Variants in U2AF2 observed in about 807,000 individuals in gnomAD.
The protein encoded by U2AF2 is splicing factor U2AF 65 kDa subunit.
In U2AF2, 6 loss-of-function variants were observed where a neutral mutation model predicts 52.6. That is an observed-to-expected ratio of 0.11 (90% CI 0.06 to 0.23). The LOEUF (loss-of-function observed/expected upper bound fraction) is 0.23. Among genes scored for constraint, U2AF2 ranks in the 10% least tolerant of loss-of-function variants. The pLI is 1.00. For synonymous variants in U2AF2, 284 were observed against 258.2 expected, an observed-to-expected ratio of 1.10 and a Z score of -0.96; for missense variants, 222 against 677.1, an observed-to-expected ratio of 0.33 and a Z score of 7.46.
At chr19:55,673,860 C>CT in intron 11 of U2AF2, 74 bp from the exon 12 acceptor site, 1 of 1,544,498 alleles carries the variant, frequency 6.5e-7, no homozygotes, top group East Asian at 2.3e-5. Flanking sequence ...GCCTTCAGTG[C>CT]TGGGGTTGGG....
rs1265260891 is a variant in U2AF2 at position 55,659,327 on chromosome 19, G to A, written c.167G>A (p.Arg56Gln). Residue 56 changes from arginine to glutamine, a missense_variant, in exon 2 of 12, where the codon CGG becomes CAG. Physicochemically the swap from Arg to Gln is conservative, Grantham distance 43. Transcript: ENST00000308924. ...AACCGGGACCAGCGGAGCGCCTCCC[G>A]GGACAGGCGACGACGCAGGTACTAG... is the stretch of plus-strand genomic sequence containing the variant. ...RRNRDQRSAS[R>Q]DRRRRSKPLT... 2.6e-6 allele frequency: 4 copies of A among 1,557,010 alleles called. No homozygotes were observed. The highest frequency in any genetic ancestry group is 3.5e-6 in the Non-Finnish European group (4 of 1,148,706).
chr19:55,674,103 G>C lies in U2AF2; in HGVS notation c.*35G>C, dbSNP rs1239575974. On this transcript the variant is annotated 3_prime_UTR_variant, in exon 12 of 12. Coordinates refer to ENST00000308924, the MANE Select transcript of U2AF2 (RefSeq NM_007279.3). ...GGGGAGGGTGGGGGCAGGGCTGGCT[G>C]GGGGCTTCTCCCCACTCCCGCCCCC... 1 of 1,563,204 alleles carries C rather than the reference G, an allele frequency of 6.4e-7. No homozygotes were observed. Among genetic ancestry groups the C allele is most frequent in the Admixed American group, 1.8e-5 (1 of 55,260 alleles).
At chr19:55,673,906 C>G (rs1410207737) in intron 11 of U2AF2, 28 bp from the exon 12 acceptor site, 1 of 1,596,388 alleles carries the variant, frequency 6.3e-7, no homozygotes, top group Non-Finnish European at 8.6e-7. Flanking sequence ...GAGCCTTGTT[C>G]ACAAACCTGC....
chr19:55,667,342 G>A (rs1984609384), intron 7 of U2AF2, among the ~76,000 whole-genome samples: 1 of 152,198 alleles, frequency 6.6e-6, no homozygotes, highest in Admixed American at 6.5e-5. Flanking sequence ...TGTGGAGGCT[G>A]CAGAGGAAGG....
chr19:55,658,500 C>G (rs370546017), intron 1 of U2AF2, among the ~76,000 whole-genome samples: 1 of 152,162 alleles, frequency 6.6e-6, no homozygotes, highest in Non-Finnish European at 1.5e-5. Flanking sequence ...TTTACAGTCT[C>G]TTCAGTACTT....
At chr19:55,663,516 A>G (rs1203247368) in intron 6 of U2AF2, 90 bp from the exon 7 acceptor site, 2 of 1,528,322 alleles carry the variant, frequency 1.3e-6, no homozygotes, top group Non-Finnish European at 1.8e-6. Context: ...CACATGAGTG[A>G]AAGGAAAGAG....
intron 11 of U2AF2, among the ~76,000 whole-genome samples, chr19:55,672,411 A>T (rs681433): frequency 6.6e-6 from 1 of 152,236 alleles, no homozygotes; most frequent in Non-Finnish European, 1.5e-5. Flanking sequence ...GTATATTTCT[A>T]TTATTTCTCA....
rs753369576 is a variant in U2AF2, at chr19:55,669,671, C to T, written c.1272C>T (p.Val424=). ...AGATCCCCCGGCCTGTGGACGGCGT[C>T]GAGGTGCCCGGCTGCGGAAAGGTCA... ...SIEIPRPVDG[V]EVPGCGKIFV... Residue 424 remains valine, a synonymous_variant, in exon 11 of 12, where the codon GTC becomes GTT. Coordinates refer to ENST00000308924, the MANE Select transcript of U2AF2 (RefSeq NM_007279.3). 2.1e-5 allele frequency: 33 copies of T among 1,609,194 alleles called. No homozygotes were observed. The highest frequency in any genetic ancestry group is 4.2e-4 in the Middle Eastern group (2 of 4,798).
intron 1 of U2AF2, among the ~76,000 whole-genome samples, chr19:55,656,769 A>C (rs1983822206): frequency 6.6e-6 from 1 of 152,226 alleles, no homozygotes; most frequent in South Asian, 2.1e-4. Context: ...GCTGAGATTA[A>C]ATGGGGTAAC....
intron 7 of U2AF2, among the ~76,000 whole-genome samples, chr19:55,664,996 G>T (rs1408720974): frequency 1.3e-5 from 2 of 152,166 alleles, no homozygotes; most frequent in African/African-American, 2.4e-5. Context: ...GGGATTACAG[G>T]CATGAGCCAC....
chr19:55,668,386 T>A lies in U2AF2; in HGVS notation c.743-121T>A. The A allele has an allele frequency of 9.9e-7, 1 of 1,014,746 alleles. No homozygotes were observed. The highest frequency in any genetic ancestry group is 1.4e-6 in the Non-Finnish European group (1 of 709,310). 62.9% of individuals were successfully genotyped at this position (1,014,746 alleles called of 1,614,324 possible). A position where few individuals can be genotyped will look rare whatever the true frequency, so the allele number is the denominator to read the frequency against. On this transcript the variant is annotated intron_variant, in intron 7 of 11. Transcript: ENST00000308924. This position sits in a 1 kb window ranked among gnomAD's most constrained non-coding sequence, Gnocchi z 5.5. ...GGTGGGGTGGGCACGTGGCGACCCC[T>A]CCCTCGTCAGATCAGGCAGGAAGTG...
Position 55,668,454 on chromosome 19 carries a change from T to G in U2AF2, c.743-53T>G. ...GGAGCTCGCCGTAGACTGTCCAGGT[T>G]TTGGGAGATAACCTGGTACTGGAAT... On this transcript the variant is annotated intron_variant, in intron 7 of 11. Transcript: ENST00000308924. This position sits in a 1 kb window ranked among gnomAD's most constrained non-coding sequence, Gnocchi z 5.5. 1 of 1,512,066 alleles carries G rather than the reference T, an allele frequency of 6.6e-7. No individual in the cohort carries two copies. Among genetic ancestry groups the G allele is most frequent in the Non-Finnish European group, 8.9e-7 (1 of 1,117,920 alleles). 93.7% of individuals were successfully genotyped at this position (1,512,066 alleles called of 1,614,324 possible).
intron 7 of U2AF2, among the ~76,000 whole-genome samples, chr19:55,666,926 TTGCTC>T (rs1469350718): frequency 2.0e-5 from 3 of 152,190 alleles, no homozygotes; most frequent in Non-Finnish European, 2.9e-5. Context: ...CTGTGTGTCT[TTGCTC>T]TGTGCCTCAG....
Position 55,674,123 on chromosome 19 carries a change from G to GCC in U2AF2, c.*62_*63dup. The stretch of plus-strand genomic sequence containing the variant: ...TGGCTGGGGGCTTCTCCCCACTCCC[G>GCC]CCCCCCCCTTATCCCCCTCTGAAGA... On this transcript the variant is annotated 3_prime_UTR_variant, in exon 12 of 12. Transcript: ENST00000308924. 4 of 1,438,428 alleles carry GCC rather than the reference G, an allele frequency of 2.8e-6. No homozygotes were observed. The highest frequency in any genetic ancestry group is 1.3e-5 in the South Asian group (1 of 78,030). 89.1% of individuals were successfully genotyped at this position (1,438,428 alleles called of 1,614,324 possible). A position where few individuals can be genotyped will look rare whatever the true frequency, so the allele number is the denominator to read the frequency against.
chr19:55,663,538 C>A, intron 6 of U2AF2, 68 bp from the exon 7 acceptor site: 1 of 1,551,204 alleles, frequency 6.4e-7, no homozygotes, highest in Non-Finnish European at 8.7e-7. Context: ...AAATCCCAAT[C>A]CTGGAACACT....
At position 55,674,036 on chromosome 19, in the gene U2AF2, C is replaced by T. The variant is rs1985113196; in HGVS notation, c.1396C>T (p.Pro466Ser). ...AGTGGTTGTCACAAAATACTGTGAC[C>T]CCGACTCTTATCACCGCCGGGACTT... ...NRVVVTKYCD[P>S]DSYHRRDFW is the part of the protein sequence containing the mutation. Residue 466 changes from proline (P) to serine (S), a missense_variant, in exon 12 of 12, where the codon CCC (proline) becomes TCC (serine). Physicochemically the swap from Pro to Ser is moderately conservative, Grantham distance 74. Around this residue, in one of 4 missense-constraint regions of U2AF2, gnomAD observed 71 missense variants for 180.6 expected, o/e 0.39. Coordinates refer to ENST00000308924, the MANE Select transcript of U2AF2 (RefSeq NM_007279.3). 9 of 1,613,710 alleles carry T rather than the reference C, an allele frequency of 5.6e-6. No individual in the cohort carries two copies. Among genetic ancestry groups the T allele is most frequent in the Non-Finnish European group, 7.6e-6 (9 of 1,179,822 alleles).
chr19:55,672,154 A>G (rs1984961907), intron 11 of U2AF2: 1 of 151,734 alleles, frequency 6.6e-6, no homozygotes, highest in Non-Finnish European at 1.5e-5. Flanking sequence ...AAATTACTGC[A>G]TTGTATTGTT....
Position 55,664,465 on chromosome 19 carries a change from AGT to A in U2AF2, c.742+722_742+723del, listed in dbSNP as rs1201055281. Among the ~76,000 whole-genome samples, 4 of 152,310 alleles carry A rather than the reference AGT, an allele frequency of 2.6e-5. No individual in the cohort carries two copies. In the East Asian group the frequency reaches 7.7e-4, roughly 29 times the overall value. On this transcript the variant is annotated intron_variant, in intron 7 of 11. Transcript: ENST00000308924. The stretch of plus-strand genomic sequence containing the variant: ...TGGGCCCTGTCAGCCCACAGGCTAT[AGT>A]TGGCTGACCCTTGTAGCTGATGAAT...
rs750083529 is a variant in U2AF2 at position 55,668,392 on chromosome 19, G to A, written c.743-115G>A. Reference sequence around the variant, plus strand: ...GTGGGCACGTGGCGACCCCTCCCTCGTCAGATCAGGCAGGAAGTGTTCTCT... The same window carrying A: ...GTGGGCACGTGGCGACCCCTCCCTCATCAGATCAGGCAGGAAGTGTTCTCT... On this transcript the variant is annotated intron_variant, in intron 7 of 11. Transcript: ENST00000308924. This position sits in a 1 kb window ranked among gnomAD's most constrained non-coding sequence, Gnocchi z 5.5. 9.4e-5 allele frequency: 101 copies of A among 1,071,728 alleles called. No individual in the cohort carries two copies. Among genetic ancestry groups the A allele is most frequent in the Middle Eastern group, 4.6e-4 (2 of 4,380 alleles). The allele number at this position is 1,071,728 out of a possible 1,614,324, so 66.4% of individuals were successfully genotyped here. A position where few individuals can be genotyped will look rare whatever the true frequency, so the allele number is the denominator to read the frequency against.
Sources: allele counts gnomAD v4.1 joint callset (sites outside exome capture counted in the v4.1 genomes callset), GRCh38; gene constraint gnomAD v4.1.1; regional missense constraint gnomAD v4.1.1; non-coding constraint Gnocchi (gnomAD v3.1); transcripts MANE v1.5; gene names NCBI Gene and HGNC (gene_info 2026-07-23, HGNC 2026-07-21).